The following ERC1 variants were observed in gnomAD, a reference collection of about 807,000 sequenced individuals.
ERC1 encodes RAB6 interacting protein 2.
In ERC1, 56 loss-of-function variants were observed where a neutral mutation model predicts 132.0. That is an observed-to-expected ratio of 0.42 (90% CI 0.34 to 0.53). The LOEUF (loss-of-function observed/expected upper bound fraction) is 0.53. Ranked by LOEUF, ERC1 falls within the 20% of genes least tolerant of loss-of-function variation. The pLI, the probability that ERC1 is intolerant of heterozygous loss-of-function variation, is 0.03. For missense variants in ERC1, 1,202 were observed against 1,349.9 expected, an observed-to-expected ratio of 0.89 and a Z score of 1.72; for synonymous variants, 478 against 476.1, an observed-to-expected ratio of 1.00 and a Z score of -0.05.
At chr12:1,114,013 T>A (rs536095022) in intron 6 of ERC1, among the ~76,000 whole-genome samples, 3 of 152,276 alleles carry the variant, frequency 2.0e-5, no homozygotes, top group Admixed American at 2.0e-4. Flanking sequence ...TCTGCTTTTC[T>A]TTTCTTTTTT....
intron 2 of ERC1, among the ~76,000 whole-genome samples, chr12:1,067,841 A>G (rs1317521389): frequency 6.6e-6 from 1 of 151,438 alleles, no homozygotes; most frequent in Non-Finnish European, 1.5e-5. Flanking sequence ...GAGCTAATTT[A>G]TATTGTAAAA....
At chr12:1,279,658 CTT>C (rs139054168) in intron 14 of ERC1, among the ~76,000 whole-genome samples, 62 of 141,826 alleles carry the variant, frequency 4.4e-4, no homozygotes, top group African/African-American at 1.3e-3. Context: ...TCAAAGCAGA[CTT>C]TTTTTTTTTT....
Position 1,358,420 on chromosome 12 carries a change from T to C in ERC1, c.2781-13413T>C, listed in dbSNP as rs962861098. Among the ~76,000 whole-genome samples the C allele has an allele frequency of 2.0e-5, 3 of 152,114 alleles. No individual in the cohort carries two copies. The South Asian group carries it at 6.2e-4, about 32-fold the overall frequency. Reference sequence around the variant, plus strand: ...TTGAAAGATTCTTTTTATATACTTATTGGATTAGGAAAGTACATACAAATG... The same window carrying C: ...TTGAAAGATTCTTTTTATATACTTACTGGATTAGGAAAGTACATACAAATG... On this transcript the variant is annotated intron_variant, in intron 15 of 18. Coordinates refer to ENST00000360905, the MANE Select transcript of ERC1 (RefSeq NM_178040.4).
Position 1,276,934 on chromosome 12 carries a change from A to G in ERC1, c.2620-12918A>G, listed in dbSNP as rs79972913. ...TGCAATTGCGTTTCCACTGGATTTG[A>G]TAAACTACTTTTTCATCTGAACAGA... On this transcript the variant is annotated intron_variant, in intron 14 of 18. Coordinates refer to ENST00000360905, the MANE Select transcript of ERC1 (RefSeq NM_178040.4). Among the ~76,000 whole-genome samples the G allele has an allele frequency of 2.9e-3, 442 of 152,302 alleles. 2 individuals carry two copies. The highest frequency in any genetic ancestry group is 9.9e-3 in the African/African-American group (413 of 41,542).
intron 11 of ERC1, among the ~76,000 whole-genome samples, chr12:1,187,827 T>C (rs952973172): frequency 3.3e-5 from 5 of 152,226 alleles, no homozygotes; most frequent in Non-Finnish European, 5.9e-5. Flanking sequence ...CCTTGACTTA[T>C]ATAATTTATA....
At chr12:1,103,090 G>A (rs767019323) in intron 3 of ERC1, among the ~76,000 whole-genome samples, 2 of 152,008 alleles carry the variant, frequency 1.3e-5, no homozygotes, top group Non-Finnish European at 2.9e-5. Context: ...TTTAATATGC[G>A]TCTCTAAAAT....
intron 8 of ERC1, among the ~76,000 whole-genome samples, chr12:1,147,729 G>C (rs1950509636): frequency 6.6e-6 from 1 of 152,162 alleles, no homozygotes; most frequent in Admixed American, 6.6e-5. Flanking sequence ...TGTGGAGTTT[G>C]TGAGGAGGGG....
At chr12:1,022,756 C>T (rs1170141225) in intron 1 of ERC1, among the ~76,000 whole-genome samples, 1 of 152,104 alleles carries the variant, frequency 6.6e-6, no homozygotes, top group East Asian at 1.9e-4. Flanking sequence ...ACCTTTGCCT[C>T]CTGGGTTCAA....
intron 2 of ERC1, among the ~76,000 whole-genome samples, chr12:1,052,533 T>C (rs916853473): frequency 3.9e-5 from 6 of 152,198 alleles, no homozygotes; most frequent in Non-Finnish European, 7.4e-5. Flanking sequence ...GGTTAAGCTA[T>C]AACACCGAAG....
At chr12:1,196,814 C>CTCTCTCTCTCTCTA (rs1956285068) in intron 12 of ERC1, among the ~76,000 whole-genome samples, 1 of 111,178 alleles carries the variant, frequency 9.0e-6, no homozygotes, top group Non-Finnish European at 1.8e-5. Context: ...ATTTCTCTCT[C>CTCTCTCTCTCTCTA]TCTCTCTCTC....
intron 2 of ERC1, among the ~76,000 whole-genome samples, chr12:1,060,625 A>G (rs1044008999): frequency 3.3e-5 from 5 of 152,212 alleles, no homozygotes; most frequent in African/African-American, 1.2e-4. Flanking sequence ...TAAACCCATC[A>G]GATCTCATGA....
chr12:1,409,614 C>T (rs908276229), intron 17 of ERC1, among the ~76,000 whole-genome samples: 5 of 152,144 alleles, frequency 3.3e-5, no homozygotes, highest in African/African-American at 1.2e-4. Context: ...ACAAACCCAC[C>T]CACAAATGCC....
At chr12:1,381,502 A>G (rs946864609) in intron 16 of ERC1, among the ~76,000 whole-genome samples, 3 of 151,914 alleles carry the variant, frequency 2.0e-5, no homozygotes, top group Non-Finnish European at 2.9e-5. Flanking sequence ...GCCGTCCTCA[A>G]TGGCCTCTAT....
intron 2 of ERC1, among the ~76,000 whole-genome samples, chr12:1,071,223 G>A (rs556903926): frequency 6.6e-6 from 1 of 152,326 alleles, no homozygotes; most frequent in South Asian, 2.1e-4. Flanking sequence ...ACCTAAGGGT[G>A]GAATTCCTGG....
chr12:1,220,906 G>A (rs911777438), intron 12 of ERC1, among the ~76,000 whole-genome samples: 2 of 152,220 alleles, frequency 1.3e-5, no homozygotes, highest in South Asian at 2.1e-4. Flanking sequence ...TGTTTCCTTC[G>A]TGAGGAACAC....
chr12:1,181,770 C>T (rs574828383), intron 9 of ERC1, among the ~76,000 whole-genome samples, 155 bp from the exon 10 acceptor site: 6 of 145,176 alleles, frequency 4.1e-5, no homozygotes, highest in East Asian at 3.9e-4. Flanking sequence ...GCAACAAGAG[C>T]GAAACTCTGT....
At chr12:1,480,823 C>A (rs2094075092) in intron 18 of ERC1, 1 of 702,324 alleles carries the variant, frequency 1.4e-6, no homozygotes, top group African/African-American at 1.7e-5. Flanking sequence ...TAAAATACAT[C>A]TTTCCCAACT....
intron 7 of ERC1, among the ~76,000 whole-genome samples, chr12:1,135,914 G>T (rs1432824314): frequency 6.6e-6 from 1 of 152,122 alleles, no homozygotes; most frequent in Non-Finnish European, 1.5e-5. Flanking sequence ...GGTTTTTCTG[G>T]ATTTCTAGCT....
At chr12:1,173,471 A>G (rs977400086) in intron 8 of ERC1, among the ~76,000 whole-genome samples, 6 of 152,188 alleles carry the variant, frequency 3.9e-5, no homozygotes, top group Admixed American at 3.9e-4. Flanking sequence ...CATATTTAAA[A>G]GGGTATTTTT....
Sources: allele counts gnomAD v4.1 joint callset (sites outside exome capture counted in the v4.1 genomes callset), GRCh38; gene constraint gnomAD v4.1.1; transcripts MANE v1.5; gene names NCBI Gene and HGNC (gene_info 2026-07-23, HGNC 2026-07-21).